The following MAPK8 variants were observed in gnomAD, a reference collection of about 807,000 sequenced individuals.
MAPK8 encodes JUN N-terminal kinase.
MAPK8 carries 13 observed loss-of-function variants against 52.9 expected under a neutral mutation model. The observed-to-expected ratio is 0.25, with a 90% confidence interval of 0.16 to 0.39. The LOEUF is 0.39. MAPK8 is among the 10% of genes least tolerant of loss of function. The pLI is 1.00. For synonymous variants in MAPK8, 191 were observed against 169.8 expected, an observed-to-expected ratio of 1.12 and a Z score of -0.97; for missense variants, 300 against 519.2, an observed-to-expected ratio of 0.58 and a Z score of 4.10.
rs759803140 is a variant in MAPK8 at position 48,427,088 on chromosome 10, A to G, written c.1005A>G (p.Pro335=). Residue 335 remains proline (P), a synonymous_variant, in exon 10 of 12, where the codon CCA becomes CCG. Transcript: ENST00000374189. The part of the protein sequence containing the change: ...YDPSEAEAPP[P]KIPDKQLDER... ...TGCCTTGTGTTTTTCAGCCACCACC[A>G]AAGATCCCTGACAAGCAGTTAGATG... 11 of 1,612,990 alleles carry G rather than the reference A, an allele frequency of 6.8e-6. No homozygotes were observed. Among genetic ancestry groups the G allele is most frequent in the Non-Finnish European group, 8.5e-6 (10 of 1,179,330 alleles).
intron 1 of MAPK8, among the ~76,000 whole-genome samples, chr10:48,342,525 T>C (rs1243764268): frequency 1.3e-5 from 2 of 152,200 alleles, no homozygotes; most frequent in African/African-American, 4.8e-5. Context: ...GAAAACATAA[T>C]TTTGTTATTG....
chr10:48,337,867 G>C (rs1016710137), intron 1 of MAPK8, among the ~76,000 whole-genome samples: 2 of 152,074 alleles, frequency 1.3e-5, no homozygotes, highest in African/African-American at 4.8e-5. Flanking sequence ...ATAAACATCT[G>C]GAAGCACACA....
intron 1 of MAPK8, among the ~76,000 whole-genome samples, chr10:48,394,501 T>C (rs1374210824): frequency 2.0e-5 from 3 of 151,926 alleles, no homozygotes; most frequent in Non-Finnish European, 4.4e-5. Flanking sequence ...TATATGATTA[T>C]TTCAGTATAT....
Position 48,410,301 on chromosome 10 carries a change from C to T in MAPK8, c.450+133C>T, listed in dbSNP as rs186536297. 5 of 669,242 alleles carry T rather than the reference C, an allele frequency of 7.5e-6. No individual in the cohort carries two copies. The East Asian group carries it at 1.3e-4, about 17-fold the overall frequency. 41.5% of individuals were successfully genotyped at this position (669,242 alleles called of 1,614,324 possible). On this transcript the variant is annotated intron_variant, in intron 5 of 11. Transcript: ENST00000374189. Reference sequence around the variant, plus strand: ...GTACAACTACCACCCATATTAAATTCTAAAATATTTTCATTACCCCCAAAA... The same window carrying T: ...GTACAACTACCACCCATATTAAATTTTAAAATATTTTCATTACCCCCAAAA...
chr10:48,325,844 A>G (rs763963404), intron 1 of MAPK8: 4 of 152,164 alleles, frequency 2.6e-5, no homozygotes, highest in Non-Finnish European at 5.9e-5. Context: ...TGACTGCTCA[A>G]ATATTTTGTA....
chr10:48,343,530 G>C lies in MAPK8; in HGVS notation c.-50+36709G>C, dbSNP rs1454303408. 3.3e-5 allele frequency among the ~76,000 whole-genome samples: 5 copies of C among 152,150 alleles called. No individual in the cohort carries two copies. The East Asian group carries it at 9.6e-4, about 29-fold the overall frequency. ...CCAGTATCTTCAAGGTAGCATTTTT[G>C]AACCTGCCACTCAAGGGAAGAAAAT... is the stretch of plus-strand genomic sequence containing the variant. On this transcript the variant is annotated intron_variant, in intron 1 of 11. Coordinates refer to ENST00000374189, the MANE Select transcript of MAPK8 (RefSeq NM_001323329.2).
At chr10:48,311,967 G>T (rs1184062202) in intron 1 of MAPK8, among the ~76,000 whole-genome samples, 1 of 152,182 alleles carries the variant, frequency 6.6e-6, no homozygotes, top group Non-Finnish European at 1.5e-5. Context: ...TCTACCCTCA[G>T]TGAGCTGAGT....
At chr10:48,415,043 A>T (rs181225759) in intron 5 of MAPK8, among the ~76,000 whole-genome samples, 37 of 152,208 alleles carry the variant, frequency 2.4e-4, no homozygotes, top group African/African-American at 8.9e-4. Flanking sequence ...TTAAGTGAAC[A>T]ATCCTGCTAC....
intron 2 of MAPK8, among the ~76,000 whole-genome samples, chr10:48,403,920 TGTG>T (rs2042305626): frequency 2.6e-5 from 3 of 113,516 alleles, no homozygotes; most frequent in Admixed American, 2.5e-4. Context: ...GGCTAATTTG[TGTG>T]TGTGTGTGTG....
intron 9 of MAPK8, 73 bp downstream of exon 9, chr10:48,426,577 G>C: frequency 7.1e-7 from 1 of 1,400,928 alleles, no homozygotes; most frequent in East Asian, 2.5e-5. Context: ...GTTTGGAGGA[G>C]ACCTTTTAAT....
chr10:48,329,061 C>G (rs958917252), intron 1 of MAPK8, among the ~76,000 whole-genome samples: 1 of 152,066 alleles, frequency 6.6e-6, no homozygotes, highest in African/African-American at 2.4e-5. Context: ...TTATTTTAAC[C>G]TTGCTGGTAG....
chr10:48,356,889 C>T (rs1375844803), intron 1 of MAPK8, among the ~76,000 whole-genome samples: 10 of 40,816 alleles, frequency 2.5e-4, no homozygotes, highest in East Asian at 1.2e-3. Context: ...AATCCAACTA[C>T]GTAGTTTACC....
chr10:48,336,829 G>A (rs1346222987), intron 1 of MAPK8, among the ~76,000 whole-genome samples: 2 of 152,072 alleles, frequency 1.3e-5, no homozygotes, highest in Non-Finnish European at 2.9e-5. Context: ...AGAAGGTGTT[G>A]CTATTGTTGT....
intron 1 of MAPK8, among the ~76,000 whole-genome samples, chr10:48,400,263 T>C (rs1051623753): frequency 2.0e-5 from 3 of 152,244 alleles, no homozygotes; most frequent in Admixed American, 6.5e-5. Context: ...GTCCAGTTAG[T>C]GATTTTAGAA....
chr10:48,403,783 C>G (rs1456499565), intron 2 of MAPK8, among the ~76,000 whole-genome samples: 3 of 151,888 alleles, frequency 2.0e-5, no homozygotes, highest in East Asian at 1.9e-4. Flanking sequence ...GAGTCTCACT[C>G]TGTCGCCCAG....
intron 1 of MAPK8, among the ~76,000 whole-genome samples, chr10:48,354,073 A>G (rs1846607182): frequency 6.6e-6 from 1 of 152,172 alleles, no homozygotes; most frequent in Non-Finnish European, 1.5e-5. Context: ...AGATGTAACC[A>G]TGGGAGAAAC....
rs911926569 is a variant in MAPK8, at chr10:48,426,000, T to C, written c.801T>C (p.Ala267=). 1 of 1,613,368 alleles carries C rather than the reference T, an allele frequency of 6.2e-7. No homozygotes were observed. Among genetic ancestry groups the C allele is most frequent in the African/African-American group, 1.3e-5 (1 of 75,014 alleles). The change falls in exon 8 of 12, where the codon GCT becomes GCC. Residue 267 remains alanine, a synonymous_variant. Coordinates refer to ENST00000374189, the MANE Select transcript of MAPK8 (RefSeq NM_001323329.2). ...ACGTTGAAAACAGACCTAAATATGC[T>C]GGATATAGCTTTGAGAAACTCTTCC... is the stretch of plus-strand genomic sequence containing the variant. ...RTYVENRPKY[A]GYSFEKLFPD...
chr10:48,389,301 A>G (rs577169134), intron 1 of MAPK8, among the ~76,000 whole-genome samples: 3 of 152,200 alleles, frequency 2.0e-5, no homozygotes, highest in Admixed American at 6.5e-5. Context: ...AGGCCAAGAA[A>G]TTCTTACTAT....
chr10:48,350,827 G>C (rs1461254993), intron 1 of MAPK8, among the ~76,000 whole-genome samples: 1 of 152,164 alleles, frequency 6.6e-6, no homozygotes, highest in Admixed American at 6.5e-5. Flanking sequence ...AAGTCAAATT[G>C]TCTCTGTTTG....
Sources: allele counts gnomAD v4.1 joint callset (sites outside exome capture counted in the v4.1 genomes callset), GRCh38; gene constraint gnomAD v4.1.1; transcripts MANE v1.5; gene names NCBI Gene and HGNC (gene_info 2026-07-23, HGNC 2026-07-21).